The following LOC128092253 variants were observed in gnomAD, a reference collection of about 807,000 sequenced individuals.
the LOC128092253 span, among the ~76,000 whole-genome samples, chr6:133,974,118 A>G: frequency 8.8e-4 from 134 of 152,236 alleles, no homozygotes; most frequent in Non-Finnish European, 2.9e-4. Flanking sequence ...GCCAAAATGA[A>G]CTCATAATTA....
chr6:133,976,199 A>G, the LOC128092253 span, among the ~76,000 whole-genome samples: 3 of 152,332 alleles, frequency 2.0e-5, no homozygotes, highest in African/African-American at 7.2e-5. Context: ...AGCCTTGCTA[A>G]CAGTTTTTTT....
At chr6:133,971,112 G>A in the LOC128092253 span, among the ~76,000 whole-genome samples, 2 of 150,484 alleles carry the variant, frequency 1.3e-5, no homozygotes, top group South Asian at 2.1e-4. Flanking sequence ...CTCAGTCTCT[G>A]TTAATCGCTC....
the LOC128092253 span, among the ~76,000 whole-genome samples, chr6:133,972,906 A>C: frequency 1.3e-5 from 2 of 152,186 alleles, no homozygotes; most frequent in Non-Finnish European, 2.9e-5. Context: ...ATTATCACCA[A>C]TTTATAGATG....
At chr6:133,975,941 A>T in the LOC128092253 span, among the ~76,000 whole-genome samples, 1 of 152,226 alleles carries the variant, frequency 6.6e-6, no homozygotes, top group African/African-American at 2.4e-5. Flanking sequence ...TGCCATGATT[A>T]GCAGGCTTAA....
At chr6:133,976,799 C>T in the LOC128092253 span, among the ~76,000 whole-genome samples, 2 of 151,794 alleles carry the variant, frequency 1.3e-5, no homozygotes, top group African/African-American at 4.8e-5. Flanking sequence ...GCAACCTGGC[C>T]AAGATGGTGA....
the LOC128092253 span, among the ~76,000 whole-genome samples, chr6:133,960,128 T>G: frequency 1.3e-5 from 2 of 152,212 alleles, no homozygotes; most frequent in African/African-American, 4.8e-5. Flanking sequence ...TGAGCATACC[T>G]TAATTGCTTG....
At chr6:133,959,310 G>C in the LOC128092253 span, among the ~76,000 whole-genome samples, 2 of 152,050 alleles carry the variant, frequency 1.3e-5, no homozygotes, top group African/African-American at 2.4e-5. Context: ...GGAGTGCTGG[G>C]ATTATGGGCA....
chr6:133,958,526 T>C, the LOC128092253 span, among the ~76,000 whole-genome samples: 1 of 152,226 alleles, frequency 6.6e-6, no homozygotes, highest in Non-Finnish European at 1.5e-5. Context: ...TGAAGCTACC[T>C]AATCAGGAAA....
At chr6:133,961,770 T>C in the LOC128092253 span, among the ~76,000 whole-genome samples, 2 of 152,178 alleles carry the variant, frequency 1.3e-5, no homozygotes, top group Admixed American at 1.3e-4. Flanking sequence ...GGCCAAGAAT[T>C]ATTTCTTACC....
chr6:133,964,038 C>A, the LOC128092253 span, among the ~76,000 whole-genome samples: 2 of 152,050 alleles, frequency 1.3e-5, no homozygotes, highest in Non-Finnish European at 2.9e-5. Flanking sequence ...AAGACTGCGT[C>A]TCAAAAAAAA....
the LOC128092253 span, among the ~76,000 whole-genome samples, chr6:133,977,131 T>C: frequency 6.6e-6 from 1 of 152,202 alleles, no homozygotes; most frequent in South Asian, 2.1e-4. Context: ...GATGAACTGA[T>C]TGCAAGTGGA....
chr6:133,976,387 C>T, the LOC128092253 span, among the ~76,000 whole-genome samples: 1 of 152,142 alleles, frequency 6.6e-6, no homozygotes, highest in African/African-American at 2.4e-5. Flanking sequence ...AAGAGTCTTT[C>T]ACCTCAAGAA....
the LOC128092253 span, among the ~76,000 whole-genome samples, chr6:133,962,424 A>C: frequency 6.6e-6 from 1 of 152,228 alleles, no homozygotes; most frequent in Non-Finnish European, 1.5e-5. Flanking sequence ...AAGCTAGATT[A>C]AAAGTTAACT....
chr6:133,967,413 G>A, the LOC128092253 span, among the ~76,000 whole-genome samples: 10 of 152,314 alleles, frequency 6.6e-5, no homozygotes, highest in South Asian at 2.1e-3. Context: ...AAAATGAACA[G>A]AAGATAGGAG....
chr6:133,962,336 A>G, the LOC128092253 span, among the ~76,000 whole-genome samples: 1,283 of 152,340 alleles, frequency 8.4e-3, 38 homozygotes, highest in Admixed American at 0.062. Flanking sequence ...ATGCAAGCAG[A>G]GAGTTCTATT....
the LOC128092253 span, among the ~76,000 whole-genome samples, chr6:133,967,227 A>C: frequency 6.0e-3 from 909 of 152,268 alleles, 9 homozygotes; most frequent in Non-Finnish European, 0.01. Flanking sequence ...TTTCCAGTTC[A>C]TTGTTATAGA....
At chr6:133,961,974 G>T in the LOC128092253 span, among the ~76,000 whole-genome samples, 1 of 152,132 alleles carries the variant, frequency 6.6e-6, no homozygotes, top group Admixed American at 6.5e-5. Context: ...TGTATTCCCA[G>T]TGTCTACCCG....
At chr6:133,968,694 G>A in the LOC128092253 span, among the ~76,000 whole-genome samples, 7 of 152,102 alleles carry the variant, frequency 4.6e-5, no homozygotes, top group Admixed American at 6.5e-5. Flanking sequence ...TTTCTTTTGA[G>A]ATGGAGTCCG....
the LOC128092253 span, among the ~76,000 whole-genome samples, chr6:133,971,026 A>C: frequency 6.6e-6 from 1 of 152,158 alleles, no homozygotes; most frequent in Non-Finnish European, 1.5e-5. Flanking sequence ...GCAACAGAAC[A>C]CCATAACTTA....
Sources: gnomAD v4.1 joint callset for allele counts (sites outside exome capture counted in the v4.1 genomes callset) on GRCh38, gnomAD v4.1.1 for gene constraint, MANE v1.5 for transcripts.